Variants in THNSL1 observed in about 807,000 individuals in gnomAD.
THNSL1 encodes threonine synthase-like 1.
In THNSL1, 48 loss-of-function variants were observed where a neutral mutation model predicts 50.4. The observed-to-expected ratio is 0.95, with a 90% CI of 0.76 to 1.21. The LOEUF (loss-of-function observed/expected upper bound fraction) is 1.21. Among genes scored for constraint, THNSL1 ranks in the 50% most tolerant of loss-of-function variants. The pLI is 0.00. For synonymous variants in THNSL1, 309 were observed against 306.1 expected, an observed-to-expected ratio of 1.01 and a Z score of -0.10; for missense variants, 896 against 871.7, an observed-to-expected ratio of 1.03 and a Z score of -0.35.
At chr10:25,022,303 T>C (rs1352293905) in intron 2 of THNSL1, among the ~76,000 whole-genome samples, 3 of 152,194 alleles carry the variant, frequency 2.0e-5, no homozygotes, top group Non-Finnish European at 4.4e-5. Flanking sequence ...ATTGGAAACA[T>C]TCCTGAGGTT....
chr10:24,999,480 A>T, the THNSL1 span: 5 of 1,613,296 alleles, frequency 3.1e-6, no homozygotes, highest in Non-Finnish European at 4.2e-6. Flanking sequence ...CTGGTCCCAT[A>T]GTTTTCATTG....
chr10:24,953,391 G>A, the THNSL1 span: 1 of 152,544 alleles, frequency 6.6e-6, no homozygotes, highest in African/African-American at 2.4e-5. Context: ...CTGCATTCAG[G>A]GGAGGAGGGG....
the THNSL1 span, among the ~76,000 whole-genome samples, chr10:24,970,618 C>T: frequency 6.6e-6 from 1 of 151,974 alleles, no homozygotes; most frequent in Non-Finnish European, 1.5e-5. Context: ...GAGGCTGCGG[C>T]AGGAGGATCA....
rs1850841117 is a variant in THNSL1 at position 25,025,872 on chromosome 10, C to T, written c.*417C>T. ...TTAATTTACCACTCAAAATGGCTAA[C>T]TTGAATGGAGGAAGTAGTAAACTCT... is the stretch of plus-strand genomic sequence containing the variant. On this transcript the variant is annotated 3_prime_UTR_variant, in exon 3 of 3. Coordinates refer to ENST00000376356, the MANE Select transcript of THNSL1 (RefSeq NM_024838.5). The T allele has an allele frequency of 5.8e-6, 1 of 170,956 alleles. No individual in the cohort carries two copies. The highest frequency in any genetic ancestry group is 6.3e-5 in the Admixed American group (1 of 15,774). The allele number at this position is 170,956 out of a possible 1,614,324, so 10.6% of individuals were successfully genotyped here.
the THNSL1 span, among the ~76,000 whole-genome samples, chr10:24,963,787 G>A: frequency 6.6e-6 from 1 of 152,140 alleles, no homozygotes; most frequent in African/African-American, 2.4e-5. Context: ...TAGAAATAAT[G>A]ATCTAAGAAA....
the THNSL1 span, among the ~76,000 whole-genome samples, chr10:24,961,273 A>G: frequency 3.3e-5 from 5 of 152,308 alleles, no homozygotes; most frequent in East Asian, 3.9e-4. Context: ...GTGTTTTTCC[A>G]TAGTATAATA....
chr10:25,014,797 C>A (rs889570000), upstream of THNSL1, among the ~76,000 whole-genome samples: 9 of 152,186 alleles, frequency 5.9e-5, no homozygotes, highest in African/African-American at 2.2e-4. Flanking sequence ...AGATGTAATA[C>A]AGTTACTGCT....
At chr10:24,979,081 A>G in the THNSL1 span, among the ~76,000 whole-genome samples, 1 of 152,200 alleles carries the variant, frequency 6.6e-6, no homozygotes, top group Non-Finnish European at 1.5e-5. Flanking sequence ...TTTACGAATA[A>G]ATCACCTGAG....
chr10:25,022,995 T>C (rs779029265), intron 2 of THNSL1, among the ~76,000 whole-genome samples, 181 bp from the exon 3 acceptor site: 6 of 152,230 alleles, frequency 3.9e-5, no homozygotes, highest in Non-Finnish European at 5.9e-5. Flanking sequence ...AAGGATAATA[T>C]GCAATATATA....
the THNSL1 span, chr10:24,995,962 T>C: frequency 9.9e-7 from 1 of 1,014,488 alleles, no homozygotes; most frequent in Non-Finnish European, 1.4e-6. Flanking sequence ...CACTTGTATA[T>C]TGAAGTTGCA....
intron 1 of THNSL1, among the ~76,000 whole-genome samples, chr10:25,017,126 C>A (rs1395499294): frequency 3.3e-5 from 5 of 152,218 alleles, no homozygotes; most frequent in Admixed American, 2.6e-4. Context: ...TCTCCAGGAA[C>A]CAGTGGACCT....
At chr10:24,960,563 A>T in the THNSL1 span, among the ~76,000 whole-genome samples, 13,581 of 151,744 alleles carry the variant, frequency 0.089, 1,734 homozygotes, top group African/African-American at 0.28. Flanking sequence ...AGAAGCTGGG[A>T]TTACAGGCGT....
At chr10:25,018,196 C>T (rs961745044) in intron 1 of THNSL1, among the ~76,000 whole-genome samples, 2 of 152,204 alleles carry the variant, frequency 1.3e-5, no homozygotes. Flanking sequence ...GTTGTTAAAT[C>T]ATTTGGAAAA....
chr10:24,983,349 A>C, the THNSL1 span: 2 of 152,316 alleles, frequency 1.3e-5, no homozygotes, highest in Admixed American at 1.3e-4. Flanking sequence ...CCACTCTGTA[A>C]GTCTGGGTCC....
chr10:25,024,804 T>G lies in THNSL1; in HGVS notation c.1581T>G (p.Ile527Met). 6.2e-7 allele frequency: 1 copy of G among 1,614,178 alleles called. No homozygotes were observed. The highest frequency in any genetic ancestry group is 1.1e-5 in the South Asian group (1 of 91,078). ...ATGCCAAAATGATGGGAATCCCGAT[T>G]CGAAAATTTATCTGTGCCTCTAATC... ...AVYAKMMGIPIRKFICASNQN... is the reference protein window; with the variant it reads ...AVYAKMMGIPMRKFICASNQN... Residue 527 changes from isoleucine to methionine, a missense_variant, in exon 3 of 3, where the codon ATT (isoleucine) becomes ATG (methionine). Coordinates refer to ENST00000376356, the MANE Select transcript of THNSL1 (RefSeq NM_024838.5).
chr10:25,023,917 A>G lies in THNSL1; in HGVS notation c.694A>G (p.Ile232Val). The change falls in exon 3 of 3, where the codon ATT becomes GTT. Residue 232 changes from isoleucine (I) to valine (V), a missense_variant. Transcript: ENST00000376356. The part of the protein sequence containing the change: ...RYQDVDSETF[I>V]STRHVWPEDC... ...CCAAGATGTGGACTCGGAAACATTC[A>G]TTTCAACAAGACACGTTTGGCCTGA... 1 of 1,614,200 alleles carries G rather than the reference A, an allele frequency of 6.2e-7. No individual in the cohort carries two copies. The highest frequency in any genetic ancestry group is 8.5e-7 in the Non-Finnish European group (1 of 1,180,020).
the THNSL1 span, among the ~76,000 whole-genome samples, chr10:24,998,356 TTC>T: frequency 1.3e-3 from 118 of 88,958 alleles, no homozygotes; most frequent in Admixed American, 1.2e-3. Flanking sequence ...CCTTCCTTCC[TTC>T]CTCTCTCTCT....
the THNSL1 span, chr10:24,983,554 G>A: frequency 6.6e-6 from 1 of 152,094 alleles, no homozygotes. Flanking sequence ...TTTTATATCT[G>A]CCCTAAGTTA....
chr10:25,001,860 T>C, the THNSL1 span, among the ~76,000 whole-genome samples: 1 of 152,214 alleles, frequency 6.6e-6, no homozygotes, highest in African/African-American at 2.4e-5. Flanking sequence ...TTTACTATGT[T>C]TTCTCTTGGT....
Sources: allele counts gnomAD v4.1 joint callset (sites outside exome capture counted in the v4.1 genomes callset), GRCh38; gene constraint gnomAD v4.1.1; transcripts MANE v1.5; gene names NCBI Gene and HGNC (gene_info 2026-07-23, HGNC 2026-07-21).